NCAM2: variants seen among roughly 807,000 people sequenced by gnomAD.
NCAM2 encodes the protein N-CAM-2.
NCAM2 carries 30 observed loss-of-function variants against 98.1 expected under a neutral mutation model. That is an observed-to-expected ratio of 0.31 (90% confidence interval 0.23 to 0.41). The LOEUF (loss-of-function observed/expected upper bound fraction) is 0.41, where lower values mean the gene tolerates loss of function less well. Among genes scored for constraint, NCAM2 ranks in the 10% least tolerant of loss-of-function variants. The pLI is 1.00. For missense variants in NCAM2, 867 were observed against 1,005.8 expected (o/e 0.86, Z 1.87); for synonymous variants, 368 against 342.4 (o/e 1.07, Z -0.83).
intron 1 of NCAM2, among the ~76,000 whole-genome samples, chr21:21,004,566 A>G (rs1353768990): frequency 6.6e-6 from 1 of 152,238 alleles, no homozygotes; most frequent in Non-Finnish European, 1.5e-5. Flanking sequence ...CAAATAATAT[A>G]AATTTAAAAA....
At chr21:21,090,913 T>C (rs1427065305) in intron 1 of NCAM2, among the ~76,000 whole-genome samples, 3 of 152,204 alleles carry the variant, frequency 2.0e-5, no homozygotes, top group African/African-American at 7.2e-5. Context: ...CATAAATCAA[T>C]AGACCACAAC....
intron 1 of NCAM2, among the ~76,000 whole-genome samples, chr21:21,152,115 A>G (rs2067466320): frequency 6.6e-6 from 1 of 152,042 alleles, no homozygotes; most frequent in Non-Finnish European, 1.5e-5. Context: ...ATCACAGTCA[A>G]TGACTGATGC....
chr21:21,082,562 T>A (rs1447112973), intron 1 of NCAM2, among the ~76,000 whole-genome samples: 1 of 152,210 alleles, frequency 6.6e-6, no homozygotes, highest in Non-Finnish European at 1.5e-5. Flanking sequence ...TACTACCACC[T>A]ATGCTATTTT....
At chr21:21,194,617 G>A (rs1232527023) in intron 1 of NCAM2, among the ~76,000 whole-genome samples, 1 of 151,920 alleles carries the variant, frequency 6.6e-6, no homozygotes, top group East Asian at 1.9e-4. Flanking sequence ...GTACAAAATT[G>A]GCAGCTATGG....
chr21:21,094,899 A>G (rs1360942188), intron 1 of NCAM2, among the ~76,000 whole-genome samples: 2 of 151,782 alleles, frequency 1.3e-5, no homozygotes, highest in East Asian at 3.8e-4. Context: ...AATGAAGAAT[A>G]TTGGTATATA....
At chr21:21,447,929 C>T (rs568072064) in intron 12 of NCAM2, among the ~76,000 whole-genome samples, 1 of 152,232 alleles carries the variant, frequency 6.6e-6, no homozygotes, top group South Asian at 2.1e-4. Context: ...AATAGGAATG[C>T]TTTTACACTG....
chr21:21,274,765 G>A (rs968799057), intron 1 of NCAM2, among the ~76,000 whole-genome samples: 3 of 152,094 alleles, frequency 2.0e-5, no homozygotes, highest in South Asian at 2.1e-4. Flanking sequence ...GTTGCAGCTC[G>A]TTGTCCCAAG....
intron 1 of NCAM2, among the ~76,000 whole-genome samples, chr21:21,257,465 G>C (rs1403457653): frequency 6.6e-6 from 1 of 152,170 alleles, no homozygotes. Flanking sequence ...ATCTGAGACA[G>C]TAAGAACCCA....
intron 1 of NCAM2, among the ~76,000 whole-genome samples, chr21:21,076,180 T>C (rs1051375070): frequency 2.6e-5 from 4 of 151,902 alleles, no homozygotes; most frequent in Admixed American, 2.6e-4. Flanking sequence ...AAAAGTATAA[T>C]TTATATTATA....
intron 1 of NCAM2, among the ~76,000 whole-genome samples, chr21:21,033,884 T>TA (rs2064742936): frequency 1.3e-5 from 2 of 152,132 alleles, no homozygotes; most frequent in Non-Finnish European, 2.9e-5. Flanking sequence ...CTGCAGGCCC[T>TA]GTTAATAGTC....
At chr21:21,408,993 T>G (rs1417832675) in intron 9 of NCAM2, among the ~76,000 whole-genome samples, 1 of 120,458 alleles carries the variant, frequency 8.3e-6, no homozygotes, top group Admixed American at 7.9e-5. Context: ...TTTGCAGTAA[T>G]AAAATATTTA....
At chr21:21,246,484 A>G (rs2071276675) in intron 1 of NCAM2, among the ~76,000 whole-genome samples, 1 of 152,198 alleles carries the variant, frequency 6.6e-6, no homozygotes, top group Admixed American at 6.5e-5. Context: ...TTTGCATACA[A>G]AGAGATATGT....
chr21:21,318,304 G>A (rs1374676368), intron 5 of NCAM2, among the ~76,000 whole-genome samples: 1 of 152,106 alleles, frequency 6.6e-6, no homozygotes, highest in East Asian at 1.9e-4. Flanking sequence ...TTATTGACTT[G>A]AGAGATCTTC....
At chr21:21,298,347 G>A (rs2073568960) in intron 5 of NCAM2, among the ~76,000 whole-genome samples, 1 of 149,386 alleles carries the variant, frequency 6.7e-6, no homozygotes, top group Non-Finnish European at 1.5e-5. Flanking sequence ...GAGGGAATTT[G>A]TAGTTTGTAA....
intron 1 of NCAM2, among the ~76,000 whole-genome samples, chr21:21,197,078 C>A (rs1369049050): frequency 6.6e-6 from 1 of 152,126 alleles, no homozygotes; most frequent in Non-Finnish European, 1.5e-5. Flanking sequence ...TCCCATAGGA[C>A]CAGTGGAACT....
At position 21,489,651 on chromosome 21, in the gene NCAM2, A is replaced by C. The variant is rs143661718; in HGVS notation, c.2077+12180A>C. On this transcript the variant is annotated intron_variant, in intron 15 of 17. Transcript: ENST00000400546. ...ATCTGCATATTTCAAATAACTGAAT[A>C]TACAGATATTCTACAAATTGTCTTT... 7.8e-4 allele frequency among the ~76,000 whole-genome samples: 119 copies of C among 152,290 alleles called. 1 individual carries two copies. Among genetic ancestry groups the C allele is most frequent in the Admixed American group, 1.1e-3 (17 of 15,290 alleles).
In NCAM2 at chr21:21,531,301, A is replaced by T. The variant is rs574274218; in HGVS notation, c.2283-3236A>T. On this transcript the variant is annotated intron_variant, in intron 16 of 17. Coordinates refer to ENST00000400546, the MANE Select transcript of NCAM2 (RefSeq NM_004540.5). Reference sequence around the variant, plus strand: ...TTTCAGTGTTGACATTTTCATTTTTAAAAAATTTCTTAAAATTGAAAGTTT... The same window carrying T: ...TTTCAGTGTTGACATTTTCATTTTTTAAAAATTTCTTAAAATTGAAAGTTT... Among the ~76,000 whole-genome samples the T allele has an allele frequency of 5.0e-4, 76 of 152,266 alleles. 1 individual carries two copies. The highest frequency in any genetic ancestry group is 2.5e-3 in the South Asian group (12 of 4,824).
intron 15 of NCAM2, 46 bp from the exon 16 acceptor site, chr21:21,508,796 ATACTTTTTT>A: frequency 8.5e-7 from 1 of 1,170,726 alleles, no homozygotes; most frequent in African/African-American, 1.8e-5. Context: ...TAGAGGTTTA[ATACTTTTTT>A]TCCTTTTTTT....
intron 5 of NCAM2, among the ~76,000 whole-genome samples, chr21:21,320,091 T>G (rs1027140557): frequency 2.6e-5 from 4 of 152,226 alleles, no homozygotes; most frequent in Non-Finnish European, 1.5e-5. Context: ...AAGTCAGTAC[T>G]CAGTACCTTA....
Sources: gnomAD v4.1 joint callset for allele counts (sites outside exome capture counted in the v4.1 genomes callset) on GRCh38, gnomAD v4.1.1 for gene constraint, MANE v1.5 for transcripts, NCBI Gene and HGNC (gene_info 2026-07-23, HGNC 2026-07-21) for gene names.